Variants in LMTK2 observed in about 807,000 individuals in gnomAD.
LMTK2 encodes the protein serine/threonine-protein kinase LMTK2.
Under a neutral mutation model 127.5 loss-of-function variants are expected in LMTK2, and 37 were observed. The observed-to-expected ratio is 0.29, with a 90% CI of 0.22 to 0.38. The LOEUF is 0.38. Among genes scored for constraint, LMTK2 ranks in the 10% least tolerant of loss-of-function variants. The probability of loss-of-function intolerance (pLI) is 1.00; values close to 1 mark genes in which losing one functional copy is unlikely to be tolerated. For synonymous variants in LMTK2, 819 were observed against 810.1 expected (o/e 1.01, Z -0.19); for missense variants, 1,694 against 1,920.3 (o/e 0.88, Z 2.20).
chr7:98,167,374 A>G (rs1235272993), intron 6 of LMTK2, among the ~76,000 whole-genome samples: 1 of 152,232 alleles, frequency 6.6e-6, no homozygotes, highest in Non-Finnish European at 1.5e-5. Context: ...AACCCAGGCT[A>G]TCACGGTTGG....
Position 98,192,563 on chromosome 7 carries a change from T to G in LMTK2, c.2098T>G (p.Cys700Gly), listed in dbSNP as rs763070705. ...PRKIFDSEPL[C>G]LSDNLMHQDN... is the part of the protein sequence containing the mutation. ...TAAGATTTTTGACAGTGAGCCTCTC[T>G]GCCTATCAGATAATCTTATGCACCA... The change falls in exon 11 of 14, where the codon TGC becomes GGC. Residue 700 changes from cysteine to glycine, a missense_variant. By Grantham distance (159) the Cys-to-Gly change is radical. Around this residue, in one of 8 missense-constraint regions of LMTK2, gnomAD observed 527 missense variants for 539.8 expected, o/e 0.98. Coordinates refer to ENST00000297293, the MANE Select transcript of LMTK2 (RefSeq NM_014916.4). 1.2e-6 allele frequency: 2 copies of G among 1,613,382 alleles called. No homozygotes were observed. The highest frequency in any genetic ancestry group is 2.2e-5 in the South Asian group (2 of 90,854).
intron 7 of LMTK2, among the ~76,000 whole-genome samples, chr7:98,174,118 A>AAG (rs1554392197): frequency 1.3e-5 from 2 of 151,708 alleles, no homozygotes; most frequent in African/African-American, 4.8e-5. Flanking sequence ...AAAAAAAAAA[A>AAG]AAAAGAAAAA....
chr7:98,181,198 A>G (rs1268669176), intron 7 of LMTK2, among the ~76,000 whole-genome samples: 1 of 152,148 alleles, frequency 6.6e-6, no homozygotes, highest in African/African-American at 2.4e-5. Context: ...TGTTTGGAGA[A>G]CTCTATTGTA....
Position 98,191,767 on chromosome 7 carries a change from C to T in LMTK2, c.1302C>T (p.Asn434=). 1.2e-6 allele frequency: 2 copies of T among 1,614,172 alleles called. No homozygotes were observed. Among genetic ancestry groups the T allele is most frequent in the Non-Finnish European group, 1.7e-6 (2 of 1,180,030 alleles). The change falls in exon 11 of 14, where the codon AAC becomes AAT. Residue 434 remains asparagine (N), a synonymous_variant. Transcript: ENST00000297293. The part of the protein sequence containing the change: ...QQWNALKPNT[N]SRDSSNNAAF... ...GGAACGCTCTGAAGCCGAACACAAA[C>T]AGCAGAGACTCCTCCAACAATGCTG...
At chr7:98,108,921 G>A (rs1397009516) in intron 1 of LMTK2, among the ~76,000 whole-genome samples, 1 of 140,474 alleles carries the variant, frequency 7.1e-6, no homozygotes, top group South Asian at 2.2e-4. Context: ...GTGCATCATC[G>A]GTGCGATATC....
intron 7 of LMTK2, among the ~76,000 whole-genome samples, chr7:98,183,916 C>T (rs184020504): frequency 2.2e-3 from 328 of 152,300 alleles, no homozygotes; most frequent in Non-Finnish European, 3.4e-3. Context: ...AGTGGTGAAT[C>T]TATCTGGGTC....
intron 7 of LMTK2, among the ~76,000 whole-genome samples, chr7:98,180,106 G>T (rs1288218184): frequency 6.6e-6 from 1 of 151,052 alleles, no homozygotes; most frequent in East Asian, 1.9e-4. Flanking sequence ...TGTGAAGTAA[G>T]TATTTTTTGA....
rs1002853584 is a variant in LMTK2, at chr7:98,205,683, G to A, written c.*191G>A. On this transcript the variant is annotated 3_prime_UTR_variant, in exon 14 of 14. Coordinates refer to ENST00000297293, the MANE Select transcript of LMTK2 (RefSeq NM_014916.4). ...GCCCTCGGGAGCCCAGGTGCAGAGC[G>A]AGGCCGTGTCCAGGAGCCGGCGTCC... is the stretch of plus-strand genomic sequence containing the variant. 3.1e-6 allele frequency: 2 copies of A among 644,148 alleles called. No individual in the cohort carries two copies. The highest frequency in any genetic ancestry group is 2.8e-5 in the Admixed American group (1 of 35,988). 39.9% of individuals were successfully genotyped at this position (644,148 alleles called of 1,614,324 possible).
Position 98,194,636 on chromosome 7 carries a change from A to G in LMTK2, c.4107+64A>G. Reference sequence around the variant, plus strand: ...TATAAGGATTCCAAAATGTGCTAGGAAATTGAGTGTGGTCTGTTTTCTAGT... The same window carrying G: ...TATAAGGATTCCAAAATGTGCTAGGGAATTGAGTGTGGTCTGTTTTCTAGT... On this transcript the variant is annotated intron_variant, in intron 11 of 13. Coordinates refer to ENST00000297293, the MANE Select transcript of LMTK2 (RefSeq NM_014916.4). This position sits in a 1 kb window ranked among gnomAD's most constrained non-coding sequence, Gnocchi z 5.4. The G allele has an allele frequency of 7.1e-7, 1 of 1,412,246 alleles. No homozygotes were observed. The highest frequency in any genetic ancestry group is 1.4e-5 in the South Asian group (1 of 72,590). 87.5% of individuals were successfully genotyped at this position (1,412,246 alleles called of 1,614,324 possible).
chr7:98,198,321 G>T (rs1371251263), intron 11 of LMTK2, among the ~76,000 whole-genome samples: 1 of 151,394 alleles, frequency 6.6e-6, no homozygotes, highest in Non-Finnish European at 1.5e-5. Flanking sequence ...CTCCTCAATA[G>T]CTGGGATTAC....
At chr7:98,168,764 C>G (rs980888196) in intron 6 of LMTK2, among the ~76,000 whole-genome samples, 14 of 152,206 alleles carry the variant, frequency 9.2e-5, no homozygotes, top group African/African-American at 2.6e-4. Flanking sequence ...GTCACTTGCT[C>G]TGCTGATGGA....
At chr7:98,117,909 A>G (rs1796309847) in intron 1 of LMTK2, among the ~76,000 whole-genome samples, 1 of 152,146 alleles carries the variant, frequency 6.6e-6, no homozygotes, top group Non-Finnish European at 1.5e-5. Context: ...GGAAGTTGCA[A>G]TGAGCCGAGA....
At chr7:98,158,644 T>G (rs1257131691) in intron 5 of LMTK2, among the ~76,000 whole-genome samples, 7 of 151,906 alleles carry the variant, frequency 4.6e-5, no homozygotes, top group Admixed American at 4.6e-4. Flanking sequence ...GTATAACAGT[T>G]TTTTACATAG....
In LMTK2 at chr7:98,193,802, C is replaced by G. The variant is rs868167759; in HGVS notation, c.3337C>G (p.Pro1113Ala). The change falls in exon 11 of 14, where the codon CCC (proline) becomes GCC (alanine). Residue 1113 changes from proline to alanine, a missense_variant. Transcript: ENST00000297293. The surrounding 1 kb of genome is among the most constrained non-coding windows in gnomAD (Gnocchi z 4.1). Reference sequence around the variant, plus strand: ...GTACTTCTCAGACAATGACTCTGAGCCCGAGAAAAGGTCTGAGGAGGTCCC... The same window carrying G: ...GTACTTCTCAGACAATGACTCTGAGGCCGAGAAAAGGTCTGAGGAGGTCCC... ...SAYFSDNDSEPEKRSEEVPGT... is the reference protein window; with the variant it reads ...SAYFSDNDSEAEKRSEEVPGT... The G allele has an allele frequency of 6.2e-7, 1 of 1,613,984 alleles. No homozygotes were observed. The highest frequency in any genetic ancestry group is 8.5e-7 in the Non-Finnish European group (1 of 1,179,992).
In LMTK2 at chr7:98,190,841, C is replaced by T. The variant is rs762884747; in HGVS notation, c.1112C>T (p.Pro371Leu). The T allele has an allele frequency of 2.5e-6, 4 of 1,614,132 alleles. No homozygotes were observed. Among genetic ancestry groups the T allele is most frequent in the Non-Finnish European group, 3.4e-6 (4 of 1,180,016 alleles). Residue 371 changes from proline (P) to leucine (L), a missense_variant, in exon 10 of 14, where the codon CCG (proline) becomes CTG (leucine). Pro to Leu is a moderately conservative substitution (Grantham distance 98). Coordinates refer to ENST00000297293, the MANE Select transcript of LMTK2 (RefSeq NM_014916.4). Reference sequence around the variant, plus strand: ...ATTAGAGAGAGAGACACAAAACTCCCGAAGCCCCAGCTGGAGCAGCCCTAC... The same window carrying T: ...ATTAGAGAGAGAGACACAAAACTCCTGAAGCCCCAGCTGGAGCAGCCCTAC... ...QVIRERDTKLPKPQLEQPYSD... is the reference protein window; with the variant it reads ...QVIRERDTKLLKPQLEQPYSD...
intron 7 of LMTK2, among the ~76,000 whole-genome samples, chr7:98,179,048 T>C (rs2116438725): frequency 6.6e-6 from 1 of 152,332 alleles, no homozygotes; most frequent in Non-Finnish European, 1.5e-5. Context: ...ACTGTTTGCT[T>C]CCTCACCACC....
chr7:98,111,960 A>C (rs1013416819), intron 1 of LMTK2, among the ~76,000 whole-genome samples: 3 of 152,196 alleles, frequency 2.0e-5, no homozygotes, highest in African/African-American at 7.2e-5. Flanking sequence ...GCTTTTATGT[A>C]ATAAACCTGT....
chr7:98,136,524 C>A (rs1796598367), intron 1 of LMTK2, among the ~76,000 whole-genome samples: 1 of 152,196 alleles, frequency 6.6e-6, no homozygotes, highest in African/African-American at 2.4e-5. Flanking sequence ...ACTACTCCTC[C>A]CTCCAGGAAG....
At chr7:98,143,338 C>G (rs544396995) in intron 3 of LMTK2, among the ~76,000 whole-genome samples, 1 of 152,268 alleles carries the variant, frequency 6.6e-6, no homozygotes, top group African/African-American at 2.4e-5. Flanking sequence ...ACTGCCAAAT[C>G]TGATTTACAA....
Sources: gnomAD v4.1 joint callset for allele counts (sites outside exome capture counted in the v4.1 genomes callset) on GRCh38, gnomAD v4.1.1 for gene constraint, gnomAD v4.1.1 regional missense constraint, Gnocchi (gnomAD v3.1) non-coding constraint, MANE v1.5 for transcripts, NCBI Gene and HGNC (gene_info 2026-07-23, HGNC 2026-07-21) for gene names.